The following FGGY variants were observed in gnomAD, a reference collection of about 807,000 sequenced individuals.
The protein encoded by FGGY is FGGY carbohydrate kinase domain-containing protein.
Under a neutral mutation model 71.3 loss-of-function variants are expected in FGGY, and 72 were observed. The observed-to-expected ratio is 1.01, with a 90% CI of 0.84 to 1.23. FGGY has a LOEUF of 1.23. FGGY is among the 50% of genes most tolerant of loss of function. FGGY has a pLI of 0.00. For missense variants in FGGY, 668 were observed against 682.3 expected, an observed-to-expected ratio of 0.98 and a Z score of 0.23; for synonymous variants, 251 against 250.3, an observed-to-expected ratio of 1.00 and a Z score of -0.02.
chr1:59,756,434 C>A (rs925959828), intron 14 of FGGY, among the ~76,000 whole-genome samples: 1 of 152,206 alleles, frequency 6.6e-6, no homozygotes, highest in African/African-American at 2.4e-5. Context: ...GATGAAAGAA[C>A]CATCAGGTTA....
intron 4 of FGGY, among the ~76,000 whole-genome samples, chr1:59,360,389 GA>G (rs1316623239): frequency 6.6e-6 from 1 of 152,174 alleles, no homozygotes; most frequent in East Asian, 1.9e-4. Flanking sequence ...CCACGGACCT[GA>G]GAAAGAGAGT....
intron 7 of FGGY, among the ~76,000 whole-genome samples, chr1:59,536,035 A>C (rs1182143720): frequency 6.6e-6 from 1 of 151,348 alleles, no homozygotes; most frequent in African/African-American, 2.4e-5. Flanking sequence ...AAAATTAATG[A>C]ATCCAGGAGC....
At chr1:59,666,896 T>G (rs2097330989) in intron 12 of FGGY, among the ~76,000 whole-genome samples, 1 of 152,212 alleles carries the variant, frequency 6.6e-6, no homozygotes, top group Admixed American at 6.5e-5. Flanking sequence ...TACCATTGAC[T>G]CTGTTTCAGA....
intron 10 of FGGY, among the ~76,000 whole-genome samples, chr1:59,631,543 G>A (rs1393355918): frequency 6.6e-6 from 1 of 152,168 alleles, no homozygotes; most frequent in African/African-American, 2.4e-5. Flanking sequence ...TTGAAATGAA[G>A]TTAGCTGTTT....
intron 1 of FGGY, among the ~76,000 whole-genome samples, chr1:59,305,657 G>A (rs946119706): frequency 1.8e-4 from 28 of 152,060 alleles, no homozygotes; most frequent in African/African-American, 6.8e-4. Flanking sequence ...TAAATGCTTG[G>A]TAGAATTTAT....
chr1:59,365,802 C>T (rs1280739881), intron 4 of FGGY, among the ~76,000 whole-genome samples: 1 of 152,188 alleles, frequency 6.6e-6, no homozygotes, highest in African/African-American at 2.4e-5. Context: ...AACTCTGTAG[C>T]AGAAGAGTGA....
intron 7 of FGGY, among the ~76,000 whole-genome samples, chr1:59,533,915 G>A (rs1000512007): frequency 1.3e-5 from 2 of 152,214 alleles, no homozygotes; most frequent in African/African-American, 2.4e-5. Context: ...ACTCTGAAAC[G>A]CAGAGCGCCT....
chr1:59,580,100 G>A (rs1005530400), intron 8 of FGGY, among the ~76,000 whole-genome samples: 4 of 152,092 alleles, frequency 2.6e-5, no homozygotes, highest in African/African-American at 9.7e-5. Flanking sequence ...CATCATTAAG[G>A]TCTATCCAGA....
intron 7 of FGGY, among the ~76,000 whole-genome samples, chr1:59,519,065 A>G (rs1399654021): frequency 1.3e-5 from 2 of 152,196 alleles, no homozygotes; most frequent in African/African-American, 2.4e-5. Flanking sequence ...TATACATACT[A>G]TTATTCTATT....
intron 8 of FGGY, among the ~76,000 whole-genome samples, chr1:59,569,678 G>C (rs908246007): frequency 5.3e-5 from 8 of 152,216 alleles, no homozygotes; most frequent in Non-Finnish European, 5.9e-5. Context: ...TTATTTTCTT[G>C]TTTATGGAAG....
intron 14 of FGGY, among the ~76,000 whole-genome samples, chr1:59,708,975 G>GGTTTT (rs2154025377): frequency 1.3e-5 from 2 of 152,300 alleles, no homozygotes; most frequent in East Asian, 3.9e-4. Context: ...TTTTGGATAA[G>GGTTTT]GGCTCAACCT....
chr1:59,371,781 A>T (rs1246900532), intron 4 of FGGY, among the ~76,000 whole-genome samples: 1 of 152,168 alleles, frequency 6.6e-6, no homozygotes, highest in African/African-American at 2.4e-5. Flanking sequence ...ACTACATGGA[A>T]ACTGAACAAC....
chr1:59,426,427 A>T (rs2066380324), intron 5 of FGGY, among the ~76,000 whole-genome samples: 1 of 152,204 alleles, frequency 6.6e-6, no homozygotes, highest in African/African-American at 2.4e-5. Context: ...GTCAAGGAGG[A>T]TGAATGAAGT....
intron 11 of FGGY, among the ~76,000 whole-genome samples, chr1:59,651,335 T>C (rs1439705945): frequency 6.0e-5 from 9 of 151,170 alleles, no homozygotes; most frequent in Admixed American, 4.6e-4. Context: ...TTGATCTGTC[T>C]AATGTTGACA....
At chr1:59,404,786 C>T (rs1039198385) in intron 5 of FGGY, among the ~76,000 whole-genome samples, 9 of 152,140 alleles carry the variant, frequency 5.9e-5, no homozygotes, top group African/African-American at 2.2e-4. Context: ...GGGTGAGAAC[C>T]TAGCATCTGG....
At chr1:59,608,687 G>A (rs928512996) in intron 9 of FGGY, among the ~76,000 whole-genome samples, 2 of 152,020 alleles carry the variant, frequency 1.3e-5, no homozygotes, top group Non-Finnish European at 2.9e-5. Context: ...ACAAAAATTA[G>A]CTGGGCTCGA....
chr1:59,677,406 A>G (rs1017191512), intron 14 of FGGY, among the ~76,000 whole-genome samples: 1 of 152,204 alleles, frequency 6.6e-6, no homozygotes, highest in Non-Finnish European at 1.5e-5. Context: ...TGGTGGTTAG[A>G]TGGAGGATTT....
At chr1:59,340,126 T>C in intron 3 of FGGY, 57 bp downstream of exon 3, 1 of 1,218,080 alleles carries the variant, frequency 8.2e-7, no homozygotes, top group Non-Finnish European at 1.2e-6. Flanking sequence ...ATTAATCCAA[T>C]GGGCCCAGGT....
chr1:59,555,425 C>T (rs1253187545), intron 8 of FGGY, among the ~76,000 whole-genome samples: 1 of 152,124 alleles, frequency 6.6e-6, no homozygotes, highest in Non-Finnish European at 1.5e-5. Flanking sequence ...TCCTCATCTA[C>T]AATATGTAGA....
Sources: gnomAD v4.1 joint callset for allele counts (sites outside exome capture counted in the v4.1 genomes callset) on GRCh38, gnomAD v4.1.1 for gene constraint, MANE v1.5 for transcripts, NCBI Gene and HGNC (gene_info 2026-07-23, HGNC 2026-07-21) for gene names.